DYM: variants seen among roughly 807,000 people sequenced by gnomAD.
DYM encodes the protein dyggve-Melchior-Clausen syndrome protein.
In DYM, 78 loss-of-function variants were observed where a neutral mutation model predicts 93.1. The observed-to-expected ratio is 0.84, with a 90% CI of 0.70 to 1.01. DYM has a LOEUF of 1.01. Among genes scored for constraint, DYM ranks in the 50% least tolerant of loss-of-function variants. The pLI, the probability that DYM is intolerant of heterozygous loss-of-function variation, is 0.00. For missense variants in DYM, 789 were observed against 845.0 expected, an observed-to-expected ratio of 0.93 and a Z score of 0.82; for synonymous variants, 321 against 319.7, an observed-to-expected ratio of 1.00 and a Z score of -0.04.
chr18:49,075,115 A>T (rs182455119), intron 17 of DYM, among the ~76,000 whole-genome samples: 18 of 152,340 alleles, frequency 1.2e-4, no homozygotes, highest in Non-Finnish European at 1.8e-4. Flanking sequence ...TGCTGAACAG[A>T]GACGAACAGC....
Position 49,303,668 on chromosome 18 carries a change from C to T in DYM, c.764-17052G>A, listed in dbSNP as rs115023779. On this transcript the variant is annotated intron_variant, in intron 8 of 17. Coordinates refer to ENST00000675505, the MANE Select transcript of DYM (RefSeq NM_001353214.3). ...GAGGTACCCACATGACAGTGCTTCCCACAGGATGTTCCACTGCCCAATTCT... is the reference window on the plus strand; with the variant it reads ...GAGGTACCCACATGACAGTGCTTCCTACAGGATGTTCCACTGCCCAATTCT... 3.4e-3 allele frequency among the ~76,000 whole-genome samples: 523 copies of T among 152,284 alleles called. 4 individuals are homozygous for T. Among genetic ancestry groups the T allele is most frequent in the African/African-American group, 0.012 (485 of 41,558 alleles).
At chr18:49,150,711 A>G (rs769592781) in intron 15 of DYM, among the ~76,000 whole-genome samples, 8 of 152,236 alleles carry the variant, frequency 5.3e-5, no homozygotes, top group Admixed American at 2.0e-4. Context: ...CAGACTGATT[A>G]GCTAGCACTG....
At chr18:49,443,713 T>C (rs2081864467) in intron 1 of DYM, among the ~76,000 whole-genome samples, 1 of 152,136 alleles carries the variant, frequency 6.6e-6, no homozygotes, top group Non-Finnish European at 1.5e-5. Context: ...AAACAAGATA[T>C]ACCTCCTCAG....
intron 13 of DYM, 115 bp from the exon 14 acceptor site, chr18:49,209,830 AG>A: frequency 1.7e-6 from 1 of 584,858 alleles, no homozygotes; most frequent in Non-Finnish European, 2.3e-6. Context: ...ATGGTGCCCA[AG>A]AAAAAAAAAA....
intron 13 of DYM, among the ~76,000 whole-genome samples, chr18:49,235,228 C>A (rs919891025): frequency 2.0e-5 from 3 of 152,208 alleles, no homozygotes; most frequent in African/African-American, 7.2e-5. Flanking sequence ...TACAGACTTT[C>A]TGGAGCAGAG....
intron 8 of DYM, among the ~76,000 whole-genome samples, chr18:49,292,355 G>GACAGACAGACACACACACACAC (rs769423170): frequency 1.2e-5 from 1 of 84,704 alleles, no homozygotes; most frequent in South Asian, 4.5e-4. Context: ...CAGACAGACA[G>GACAGACAGACACACACACACAC]ACACACACAC....
intron 14 of DYM, among the ~76,000 whole-genome samples, chr18:49,171,804 G>C (rs1006008595): frequency 3.9e-5 from 6 of 152,018 alleles, no homozygotes; most frequent in Non-Finnish European, 8.8e-5. Context: ...TGAACCACTG[G>C]TGGTCCTTAA....
At chr18:49,444,057 A>G (rs1029696884) in intron 1 of DYM, among the ~76,000 whole-genome samples, 6 of 152,240 alleles carry the variant, frequency 3.9e-5, no homozygotes, top group East Asian at 1.9e-4. Flanking sequence ...AAAAATATGT[A>G]TGAAGCAGAA....
intron 2 of DYM, among the ~76,000 whole-genome samples, chr18:49,425,154 C>CTA (rs1305268342): frequency 6.6e-6 from 1 of 152,116 alleles, no homozygotes; most frequent in Non-Finnish European, 1.5e-5. Flanking sequence ...TACTACAAGG[C>CTA]TACAGTAACC....
chr18:49,125,784 A>G (rs2082763030), intron 15 of DYM, among the ~76,000 whole-genome samples: 1 of 152,216 alleles, frequency 6.6e-6, no homozygotes, highest in African/African-American at 2.4e-5. Flanking sequence ...CCTTGAATAC[A>G]GAACACTTTT....
intron 15 of DYM, among the ~76,000 whole-genome samples, chr18:49,161,628 T>C (rs928294962): frequency 1.3e-5 from 2 of 152,204 alleles, no homozygotes; most frequent in Non-Finnish European, 2.9e-5. Flanking sequence ...TTAAGCGAGC[T>C]GTTATGCTAA....
At chr18:49,308,746 C>A (rs1414931909) in intron 8 of DYM, among the ~76,000 whole-genome samples, 1 of 152,044 alleles carries the variant, frequency 6.6e-6, no homozygotes, top group Non-Finnish European at 1.5e-5. Context: ...AACAGGGGAA[C>A]CATTTTTCTT....
At chr18:49,280,688 C>T (rs2094948963) in intron 10 of DYM, among the ~76,000 whole-genome samples, 1 of 152,220 alleles carries the variant, frequency 6.6e-6, no homozygotes, top group South Asian at 2.1e-4. Context: ...GGAGAAGCTC[C>T]TACCCTCCGT....
chr18:49,258,354 G>A, intron 12 of DYM, 26 bp downstream of exon 12: 1 of 1,480,976 alleles, frequency 6.8e-7, no homozygotes, highest in Non-Finnish European at 9.4e-7. Context: ...ATGCAAAAAA[G>A]ATAGAATAGC....
At chr18:49,207,912 G>C (rs1026109290) in intron 14 of DYM, among the ~76,000 whole-genome samples, 11 of 152,150 alleles carry the variant, frequency 7.2e-5, no homozygotes, top group Non-Finnish European at 1.6e-4. Flanking sequence ...ACCGGGTGTA[G>C]TGGCTCACAC....
intron 15 of DYM, among the ~76,000 whole-genome samples, chr18:49,135,200 G>T (rs143635476): frequency 1.3e-5 from 2 of 152,180 alleles, no homozygotes; most frequent in African/African-American, 4.8e-5. Context: ...TTTCCACTTG[G>T]AAATAATACT....
At position 49,391,645 on chromosome 18, in the gene DYM, A is replaced by G. The variant is rs1439704967; in HGVS notation, c.141T>C (p.Ser47=). 1 of 1,612,556 alleles carries G rather than the reference A, an allele frequency of 6.2e-7. No individual in the cohort carries two copies. The change falls in exon 3 of 18, where the codon AGT becomes AGC. Residue 47 remains serine (S), a splice_region_variant and synonymous_variant. Coordinates refer to ENST00000675505, the MANE Select transcript of DYM (RefSeq NM_001353214.3). The part of the protein sequence containing the change: ...LSFSFPAPTS[S]SELKLLEEAT... ...CTTCCTCCAAGAGTTTCAACTCACT[A>G]CTGGAGAGACAGAAGAATAAAGGTA...
rs780002191 is a variant in DYM, at chr18:49,122,397, C to CCT, written c.1729-3473_1729-3472dup. Among the ~76,000 whole-genome samples the CCT allele has an allele frequency of 8.5e-5, 13 of 152,268 alleles. 1 individual carries two copies. In the South Asian group the frequency reaches 2.7e-3, roughly 32 times the overall value. On this transcript the variant is annotated intron_variant, in intron 15 of 17. Transcript: ENST00000675505. ...GATACAGAGAAATACACTGTTACTA[C>CCT]CTTAGTGACCATCTCCCTGAATGGG...
chr18:49,087,407 C>A (rs781442247), intron 17 of DYM, among the ~76,000 whole-genome samples: 1 of 152,148 alleles, frequency 6.6e-6, no homozygotes. Flanking sequence ...TTATCCATTG[C>A]AAAGAATAAA....
Sources: allele counts gnomAD v4.1 joint callset (sites outside exome capture counted in the v4.1 genomes callset), GRCh38; gene constraint gnomAD v4.1.1; transcripts MANE v1.5; gene names NCBI Gene and HGNC (gene_info 2026-07-23, HGNC 2026-07-21).